MAST4: variants seen among roughly 807,000 people sequenced by gnomAD.
MAST4 encodes microtubule associated serine/threonine kinase family member 4.
In MAST4, 89 loss-of-function variants were observed where a neutral mutation model predicts 162.7. The observed-to-expected ratio is 0.55, with a 90% CI of 0.46 to 0.65. The LOEUF is 0.65. Among genes scored for constraint, MAST4 ranks in the 30% least tolerant of loss-of-function variants. The pLI, the probability that MAST4 is intolerant of heterozygous loss-of-function variation, is 0.00. For synonymous variants in MAST4, 1,479 were observed against 1,361.1 expected, an observed-to-expected ratio of 1.09 and a Z score of -1.91; for missense variants, 3,153 against 3,374.0, an observed-to-expected ratio of 0.93 and a Z score of 1.62.
intron 4 of MAST4, among the ~76,000 whole-genome samples, chr5:66,956,334 A>G (rs558120584): frequency 1.6e-4 from 24 of 152,084 alleles, no homozygotes; most frequent in Non-Finnish European, 2.9e-4. Context: ...TTTTGGTAAG[A>G]CTACTTCATG....
chr5:67,150,882 A>G lies in MAST4; in HGVS notation c.3295+1293A>G, dbSNP rs151049348. On this transcript the variant is annotated intron_variant, in intron 24 of 28. Transcript: ENST00000403625. The stretch of plus-strand genomic sequence containing the variant: ...ACATGAAGTCAGAGAGGGAAGGAGC[A>G]TGGGTCATGATACAGTTGGCTTTGC... Among the ~76,000 whole-genome samples, 31 of 152,294 alleles carry G rather than the reference A, an allele frequency of 2.0e-4. No individual in the cohort carries two copies. In the East Asian group the frequency reaches 6.0e-3, roughly 29 times the overall value.
intron 4 of MAST4, among the ~76,000 whole-genome samples, chr5:66,982,213 C>T (rs1748945805): frequency 6.6e-6 from 1 of 152,064 alleles, no homozygotes; most frequent in Non-Finnish European, 1.5e-5. Flanking sequence ...TTCTTTTTTC[C>T]TTTTACATCA....
intron 1 of MAST4, among the ~76,000 whole-genome samples, chr5:66,709,616 C>T (rs1488782178): frequency 1.3e-5 from 2 of 152,092 alleles, no homozygotes; most frequent in South Asian, 2.1e-4. Context: ...CATATGCAGC[C>T]CCCAAAATGA....
At chr5:66,937,814 A>AT (rs140524844) in intron 4 of MAST4, among the ~76,000 whole-genome samples, 6,475 of 152,078 alleles carry the variant, frequency 0.043, 219 homozygotes, top group Middle Eastern at 0.079. Flanking sequence ...TTCCAGAAAC[A>AT]TTTTTTATAT....
At position 66,839,899 on chromosome 5, in the gene MAST4, C is replaced by T. The variant is rs1026818989; in HGVS notation, c.642+51105C>T. On this transcript the variant is annotated intron_variant, in intron 3 of 28. Coordinates refer to ENST00000403625, the MANE Select transcript of MAST4 (RefSeq NM_001164664.2). ...ACATTTTTATCAGTTTTCTTGCACT[C>T]TGTTTCCAGTTTCTTTGTGCATGTG... Among the ~76,000 whole-genome samples the T allele has an allele frequency of 5.4e-5, 8 of 149,290 alleles. No homozygotes were observed. The East Asian group carries it at 7.8e-4, about 14-fold the overall frequency.
At chr5:66,782,284 C>T (rs1485914963) in intron 2 of MAST4, among the ~76,000 whole-genome samples, 4 of 136,342 alleles carry the variant, frequency 2.9e-5, no homozygotes, top group African/African-American at 7.8e-5. Context: ...AGCGAGACTT[C>T]GTCTCAAAAA....
intron 5 of MAST4, among the ~76,000 whole-genome samples, chr5:67,064,769 A>G (rs1760033280): frequency 6.6e-6 from 1 of 152,188 alleles, no homozygotes; most frequent in Non-Finnish European, 1.5e-5. Flanking sequence ...AAAACTTTCT[A>G]TTTTTGACAG....
chr5:67,158,568 C>A (rs1031959588), intron 26 of MAST4, among the ~76,000 whole-genome samples: 1 of 151,506 alleles, frequency 6.6e-6, no homozygotes, highest in African/African-American at 2.4e-5. Flanking sequence ...AAGACCCCAT[C>A]TCAAAAAAAT....
intron 3 of MAST4, among the ~76,000 whole-genome samples, chr5:66,867,009 C>A (rs935066106): frequency 2.6e-5 from 4 of 152,206 alleles, no homozygotes; most frequent in Non-Finnish European, 5.9e-5. Context: ...GATCCCCCAA[C>A]TTCAGCCTTC....
At chr5:66,785,097 G>T (rs1379136610) in intron 2 of MAST4, among the ~76,000 whole-genome samples, 1 of 152,148 alleles carries the variant, frequency 6.6e-6, no homozygotes, top group Non-Finnish European at 1.5e-5. Flanking sequence ...TGGGCGTGGT[G>T]GTGCGTGCCT....
At chr5:66,828,955 T>C in intron 3 of MAST4, 1 of 1,224,426 alleles carries the variant, frequency 8.2e-7, no homozygotes. Flanking sequence ...AGTTCCCTTG[T>C]CATTCCTTTA....
At chr5:66,694,148 T>C (rs1014920542) in intron 1 of MAST4, among the ~76,000 whole-genome samples, 1 of 152,198 alleles carries the variant, frequency 6.6e-6, no homozygotes, top group Non-Finnish European at 1.5e-5. Context: ...ATAAGTTACA[T>C]GGGACCCACC....
At chr5:66,712,136 T>G (rs779416257) in intron 1 of MAST4, among the ~76,000 whole-genome samples, 14 of 152,250 alleles carry the variant, frequency 9.2e-5, no homozygotes, top group Non-Finnish European at 2.1e-4. Context: ...AGTATTCTTG[T>G]GCATGTTGTT....
At chr5:67,074,382 C>CT in intron 5 of MAST4, among the ~76,000 whole-genome samples, 1 of 152,232 alleles carries the variant, frequency 6.6e-6, no homozygotes, top group East Asian at 1.9e-4. Flanking sequence ...CAGCTTGATA[C>CT]TTTATGTCAA....
At chr5:66,607,035 A>G (rs1742938785) in intron 1 of MAST4, among the ~76,000 whole-genome samples, 1 of 152,096 alleles carries the variant, frequency 6.6e-6, no homozygotes, top group South Asian at 2.1e-4. Context: ...TGATCATTAA[A>G]TTGGTCTACA....
intron 4 of MAST4, among the ~76,000 whole-genome samples, chr5:66,945,751 C>G (rs1743951437): frequency 6.6e-6 from 1 of 152,144 alleles, no homozygotes; most frequent in Admixed American, 6.6e-5. Flanking sequence ...ACCCTATATA[C>G]AGAATCTTCC....
chr5:66,959,312 T>G, intron 4 of MAST4: 1 of 779,654 alleles, frequency 1.3e-6, no homozygotes, highest in Non-Finnish European at 2.4e-6. Context: ...TTGTCTGTCT[T>G]TAATATTTTA....
chr5:66,688,225 C>A (rs1411389407), intron 1 of MAST4, among the ~76,000 whole-genome samples: 4 of 152,158 alleles, frequency 2.6e-5, no homozygotes, highest in Non-Finnish European at 4.4e-5. Flanking sequence ...GCCTATTTTC[C>A]AAGACTGCTG....
intron 2 of MAST4, among the ~76,000 whole-genome samples, chr5:66,787,548 T>TA (rs1162721959): frequency 6.6e-6 from 1 of 152,226 alleles, no homozygotes; most frequent in East Asian, 1.9e-4. Flanking sequence ...AACTAGTTAA[T>TA]ACACTGCAAT....
Sources: allele counts gnomAD v4.1 joint callset (sites outside exome capture counted in the v4.1 genomes callset), GRCh38; gene constraint gnomAD v4.1.1; transcripts MANE v1.5; gene names NCBI Gene and HGNC (gene_info 2026-07-23, HGNC 2026-07-21).